The following SCNN1B variants were observed in gnomAD, a reference collection of about 807,000 sequenced individuals.
The protein encoded by SCNN1B is epithelial sodium channel subunit beta.
In SCNN1B, 46 loss-of-function variants were observed where a neutral mutation model predicts 65.3. The observed-to-expected ratio is 0.70, with a 90% CI of 0.56 to 0.90. The LOEUF is 0.90. SCNN1B is among the 40% of genes least tolerant of loss of function. The pLI is 0.00. For missense variants in SCNN1B, 751 were observed against 830.5 expected, an observed-to-expected ratio of 0.90 and a Z score of 1.18; for synonymous variants, 349 against 330.6, an observed-to-expected ratio of 1.06 and a Z score of -0.60.
At chr16:23,317,489 T>C (rs1012325136) in intron 1 of SCNN1B, among the ~76,000 whole-genome samples, 1 of 151,954 alleles carries the variant, frequency 6.6e-6, no homozygotes, top group East Asian at 1.9e-4. Flanking sequence ...AGCCAGGGTA[T>C]GGAGGGATGG....
intron 10 of SCNN1B, 59 bp downstream of exon 10, chr16:23,377,445 C>T: frequency 6.4e-7 from 1 of 1,550,654 alleles, no homozygotes; most frequent in Non-Finnish European, 8.9e-7. Flanking sequence ...CAAGTCTGGG[C>T]ATAAGATGTG....
At chr16:23,323,485 C>T (rs1961630500) in intron 1 of SCNN1B, 1 of 701,460 alleles carries the variant, frequency 1.4e-6, no homozygotes. Context: ...GTGCTAGGTG[C>T]TTCATATTTA....
chr16:23,306,487 G>T (rs998482917), intron 1 of SCNN1B, among the ~76,000 whole-genome samples: 1 of 152,032 alleles, frequency 6.6e-6, no homozygotes, highest in Non-Finnish European at 1.5e-5. Context: ...CTGTAACAGT[G>T]GATTATACTC....
At chr16:23,371,491 G>A (rs1962783326) in intron 6 of SCNN1B, 29 bp downstream of exon 6, 2 of 1,609,784 alleles carry the variant, frequency 1.2e-6, no homozygotes, top group Non-Finnish European at 8.5e-7. Context: ...GGCAGTCCTA[G>A]AGGGTCTGAG....
At chr16:23,316,908 C>G (rs1197757283) in intron 1 of SCNN1B, among the ~76,000 whole-genome samples, 1 of 151,810 alleles carries the variant, frequency 6.6e-6, no homozygotes, top group East Asian at 1.9e-4. Context: ...ACCATCACCT[C>G]CATTATCACC....
At chr16:23,304,752 CT>C (rs1416563768) in intron 1 of SCNN1B, among the ~76,000 whole-genome samples, 2 of 152,152 alleles carry the variant, frequency 1.3e-5, no homozygotes, top group East Asian at 3.8e-4. Context: ...TGATGAAAAG[CT>C]AGAATCAGAG....
chr16:23,327,624 C>T (rs1961724230), intron 1 of SCNN1B, among the ~76,000 whole-genome samples: 1 of 152,142 alleles, frequency 6.6e-6, no homozygotes, highest in South Asian at 2.1e-4. Flanking sequence ...TTTGTGGAAC[C>T]CTTCTGCTCT....
intron 11 of SCNN1B, among the ~76,000 whole-genome samples, 198 bp downstream of exon 11, chr16:23,378,965 A>G (rs1962972684): frequency 6.6e-6 from 1 of 150,784 alleles, no homozygotes; most frequent in South Asian, 2.1e-4. Context: ...CCTGCTAAGG[A>G]GAAGCCTGTG....
rs549011729 is a variant in SCNN1B, at chr16:23,296,839, A to G, written n.178+13035A>G. On this transcript the variant is annotated intron_variant and non_coding_transcript_variant, in intron 2 of 3. Coordinates refer to the SCNN1B transcript ENST00000569789. ...ATATAGTGAAACCCCGTCTCTACTA[A>G]AATACAAAAAATTAGCTGGGCTTGG... Among the ~76,000 whole-genome samples the G allele has an allele frequency of 3.9e-5, 6 of 152,148 alleles. No individual in the cohort carries two copies. In the South Asian group the frequency reaches 1.2e-3, roughly 32 times the overall value.
intron 1 of SCNN1B, among the ~76,000 whole-genome samples, chr16:23,314,606 G>A (rs1948407584): frequency 6.6e-6 from 1 of 152,150 alleles, no homozygotes; most frequent in Admixed American, 6.5e-5. Context: ...TCTGAGAGGT[G>A]AGTGTGGAGG....
rs563665876 is a variant in SCNN1B at position 23,318,882 on chromosome 16, G to A, written c.-9+16445G>A. 2.6e-5 allele frequency among the ~76,000 whole-genome samples: 4 copies of A among 152,370 alleles called. No individual in the cohort carries two copies. The South Asian group carries it at 8.3e-4, about 32-fold the overall frequency. ...ACCTGAAGTCTTTGGCCTAGGGCCA[G>A]ATCAAGCTGGTACTTGATTGGGCCT... On this transcript the variant is annotated intron_variant, in intron 1 of 12. Coordinates refer to ENST00000343070, the MANE Select transcript of SCNN1B (RefSeq NM_000336.3).
chr16:23,376,377 C>T (rs9924430), intron 8 of SCNN1B, among the ~76,000 whole-genome samples: 9,850 of 151,124 alleles, frequency 0.065, 1,094 homozygotes, highest in African/African-American at 0.23. Context: ...TGTGTGTGCA[C>T]GTGCATGTAT....
chr16:23,303,937 G>A (rs1215592599), intron 1 of SCNN1B: 2 of 755,126 alleles, frequency 2.6e-6, no homozygotes, highest in East Asian at 2.7e-5. Flanking sequence ...AGAACTAGAA[G>A]TAGAAATGGT....
At chr16:23,374,539 A>C (rs1219670965) in intron 7 of SCNN1B, among the ~76,000 whole-genome samples, 2 of 141,768 alleles carry the variant, frequency 1.4e-5, no homozygotes, top group Non-Finnish European at 3.0e-5. Context: ...ATGCCACTGC[A>C]CTACAGCCTG....
chr16:23,303,799 A>G (rs1457856359), intron 1 of SCNN1B, among the ~76,000 whole-genome samples: 1 of 151,942 alleles, frequency 6.6e-6, no homozygotes, highest in Admixed American at 6.6e-5. Flanking sequence ...TGTGCCTGTA[A>G]TCCCAGCTAC....
At chr16:23,305,234 A>C (rs1233055478) in intron 1 of SCNN1B, among the ~76,000 whole-genome samples, 5 of 151,976 alleles carry the variant, frequency 3.3e-5, no homozygotes, top group African/African-American at 1.2e-4. Flanking sequence ...TCCCCTTTGG[A>C]ATACAAGAGA....
chr16:23,319,478 A>G (rs1961542695), intron 1 of SCNN1B, among the ~76,000 whole-genome samples: 1 of 125,548 alleles, frequency 8.0e-6, no homozygotes, highest in Admixed American at 7.2e-5. Context: ...ACATGGTTGA[A>G]AAAAAAAAAT....
chr16:23,378,917 A>G, intron 11 of SCNN1B, 150 bp downstream of exon 11: 1 of 723,294 alleles, frequency 1.4e-6, no homozygotes, highest in East Asian at 2.7e-5. Context: ...TAGGAGTGAG[A>G]GAGAGGAAAG....
At chr16:23,317,486 G>T (rs888645163) in intron 1 of SCNN1B, among the ~76,000 whole-genome samples, 1 of 152,164 alleles carries the variant, frequency 6.6e-6, no homozygotes, top group Non-Finnish European at 1.5e-5. Context: ...AGGAGCCAGG[G>T]TATGGAGGGA....
Sources: allele counts gnomAD v4.1 joint callset (sites outside exome capture counted in the v4.1 genomes callset), GRCh38; gene constraint gnomAD v4.1.1; transcripts MANE v1.5; gene names NCBI Gene and HGNC (gene_info 2026-07-23, HGNC 2026-07-21).